Variants in FCAMR observed in about 807,000 individuals in gnomAD.
FCAMR encodes Fc alpha and mu receptor.
Under a neutral mutation model 52.2 loss-of-function variants are expected in FCAMR, and 51 were observed. The observed-to-expected ratio is 0.98, with a 90% CI of 0.78 to 1.23. The LOEUF (loss-of-function observed/expected upper bound fraction) is 1.23. Ranked by LOEUF, FCAMR falls within the 50% of genes most tolerant of loss-of-function variation. FCAMR has a pLI of 0.00. For missense variants in FCAMR, 719 were observed against 712.6 expected (o/e 1.01, Z -0.10); for synonymous variants, 282 against 262.0 (o/e 1.08, Z -0.74).
In FCAMR at chr1:206,960,628, C is replaced by G; in HGVS notation, c.1248G>C (p.Trp416Cys). Residue 416 changes from tryptophan to cysteine, a missense_variant, in exon 6 of 8, where the codon TGG (tryptophan) becomes TGC (cysteine). Transcript: ENST00000324852. ...IGETTPAAGM[W>C]TLGTPAADVW... Reference sequence around the variant, plus strand: ...CATCTGCAGCTGGAGTTCCCAAGGTCCACATGCCTGCAGCTGGAGTTGTTT... The same window carrying G: ...CATCTGCAGCTGGAGTTCCCAAGGTGCACATGCCTGCAGCTGGAGTTGTTT... The G allele has an allele frequency of 6.4e-7, 1 of 1,551,900 alleles. No individual in the cohort carries two copies. Among genetic ancestry groups the G allele is most frequent in the Non-Finnish European group, 8.7e-7 (1 of 1,147,016 alleles).
chr1:206,967,011 G>A, intron 3 of FCAMR, 41 bp downstream of exon 3: 1 of 1,605,428 alleles, frequency 6.2e-7, no homozygotes, highest in Non-Finnish European at 8.5e-7. Flanking sequence ...ACTCAGGTCT[G>A]GTTTTGTAAG....
At chr1:206,966,623 A>G (rs898247937) in intron 3 of FCAMR, among the ~76,000 whole-genome samples, 9 of 152,124 alleles carry the variant, frequency 5.9e-5, no homozygotes, top group African/African-American at 1.9e-4. Flanking sequence ...TGACCTTGTG[A>G]TCCGCCTGCC....
In FCAMR at chr1:206,967,045, G is replaced by A; in HGVS notation, c.169+7C>T. 3 of 1,613,710 alleles carry A rather than the reference G, an allele frequency of 1.9e-6. No homozygotes were observed. The highest frequency in any genetic ancestry group is 2.2e-5 in the East Asian group (1 of 44,884). ...AGCCCTGAACCTGGGCTGGGTTTGG[G>A]ACTCACCTTGTAGCAGGCACAGTAT... is the stretch of plus-strand genomic sequence containing the variant. On this transcript the variant is annotated splice_region_variant and intron_variant, in intron 3 of 7. Coordinates refer to ENST00000324852, the MANE Select transcript of FCAMR (RefSeq NM_001170631.2).
intron 4 of FCAMR, among the ~76,000 whole-genome samples, chr1:206,963,842 T>A (rs1375121763): frequency 2.0e-5 from 3 of 152,226 alleles, no homozygotes; most frequent in Non-Finnish European, 4.4e-5. Context: ...CATATATGGC[T>A]GTCGTTCTCT....
rs1226831372 is a variant in FCAMR at position 206,961,026 on chromosome 1, G to C, written c.850C>G (p.Pro284Ala). 2.6e-6 allele frequency: 4 copies of C among 1,551,884 alleles called. No homozygotes were observed. The East Asian group carries it at 7.3e-5, about 28-fold the overall frequency. Reference protein sequence around the residue: ...TTASAEGRRTPGATRPAAPGT... With the variant: ...TTASAEGRRTAGATRPAAPGT... ...GGAGCTGCTGGCCTGGTTGCTCCTG[G>C]GGTTCGTCTTCCCTCAGCTGAAGCT... The change falls in exon 6 of 8, where the codon CCA (proline) becomes GCA (alanine). Residue 284 changes from proline to alanine, a missense_variant. Pro to Ala is a conservative substitution (Grantham distance 27). Coordinates refer to ENST00000324852, the MANE Select transcript of FCAMR (RefSeq NM_001170631.2).
In FCAMR at chr1:206,960,494, G is replaced by A; in HGVS notation, c.1382C>T (p.Pro461Leu). ...CGGGGTCTGGCTCAGTGTTGCTTGGGGACCTCTGTCTCCAGTGGCAGCATC... is the reference window on the plus strand; with the variant it reads ...CGGGGTCTGGCTCAGTGTTGCTTGGAGACCTCTGTCTCCAGTGGCAGCATC... ...DLDAATGDRG[P>L]QATLSQTPAV... is the part of the protein sequence containing the mutation. Residue 461 changes from proline (P) to leucine (L), a missense_variant, in exon 6 of 8, where the codon CCC becomes CTC. Coordinates refer to ENST00000324852, the MANE Select transcript of FCAMR (RefSeq NM_001170631.2). 6.5e-7 allele frequency: 1 copy of A among 1,550,200 alleles called. No individual in the cohort carries two copies.
chr1:206,961,060 G>T lies in FCAMR; in HGVS notation c.816C>A (p.Ser272Arg), dbSNP rs1244304654. The T allele has an allele frequency of 7.1e-6, 11 of 1,551,770 alleles. No homozygotes were observed. The highest frequency in any genetic ancestry group is 9.6e-6 in the Non-Finnish European group (11 of 1,147,064). The change falls in exon 6 of 8, where the codon AGC (serine) becomes AGA (arginine). Residue 272 changes from serine to arginine, a missense_variant. Ser to Arg is a moderately radical substitution (Grantham distance 110). Transcript: ENST00000324852. Reference protein sequence around the residue: ...WDTVASTPGTSKTTASAEGRR... With the variant: ...WDTVASTPGTRKTTASAEGRR... Reference sequence around the variant, plus strand: ...TTCCCTCAGCTGAAGCTGTAGTCTTGCTGGTTCCTGGAGTGGAAGCAACTG... The same window carrying T: ...TTCCCTCAGCTGAAGCTGTAGTCTTTCTGGTTCCTGGAGTGGAAGCAACTG...
At position 206,960,840 on chromosome 1, in the gene FCAMR, C is replaced by G. The variant is rs894415166; in HGVS notation, c.1036G>C (p.Glu346Gln). The G allele has an allele frequency of 1.6e-5, 25 of 1,552,392 alleles. No individual in the cohort carries two copies. The highest frequency in any genetic ancestry group is 2.1e-5 in the Non-Finnish European group (24 of 1,147,154). ...CTATCAGCCTTGGTAGTTGTCATCT[C>G]CCTCCTGTCCTTGCTGGCTCTAGCC... ...NRARASKDRREMTTTKADRPR... is the reference protein window; with the variant it reads ...NRARASKDRRQMTTTKADRPR... The change falls in exon 6 of 8, where the codon GAG (glutamate) becomes CAG (glutamine). Residue 346 changes from glutamate (E) to glutamine (Q), a missense_variant. Coordinates refer to ENST00000324852, the MANE Select transcript of FCAMR (RefSeq NM_001170631.2).
In FCAMR at chr1:206,967,095, C is replaced by T. The variant is rs11119933; in HGVS notation, c.126G>A (p.Ala42=). Residue 42 remains alanine, a synonymous_variant, in exon 3 of 8, where the codon GCG becomes GCA. Coordinates refer to ENST00000324852, the MANE Select transcript of FCAMR (RefSeq NM_001170631.2). ...LPQSHVTSRR[A]GWKMPLFLIL... Reference sequence around the variant, plus strand: ...TGAGGAAGAGGGGCATTTTCCATCCCGCCCTCCTGCTGGTGACCTGCAAAA... The same window carrying T: ...TGAGGAAGAGGGGCATTTTCCATCCTGCCCTCCTGCTGGTGACCTGCAAAA... 303,259 of 1,613,134 alleles carry T rather than the reference C, an allele frequency of 0.19. 30,337 individuals carry two copies. The highest frequency in any genetic ancestry group is 0.34 in the African/African-American group (25,176 of 74,852).
In FCAMR at chr1:206,962,301, C is replaced by G; in HGVS notation, c.564G>C (p.Leu188=). 6.2e-7 allele frequency: 1 copy of G among 1,614,190 alleles called. No homozygotes were observed. Among genetic ancestry groups the G allele is most frequent in the Non-Finnish European group, 8.5e-7 (1 of 1,180,026 alleles). ...RGLFVVRLSQ[L]SPDDIGCYLC... Reference sequence around the variant, plus strand: ...GGTAGCATCCGATGTCATCCGGGGACAGTTGGGACAGCCTCACCACAAACA... The same window carrying G: ...GGTAGCATCCGATGTCATCCGGGGAGAGTTGGGACAGCCTCACCACAAACA... Residue 188 remains leucine (L), a synonymous_variant, in exon 5 of 8, where the codon CTG becomes CTC. Transcript: ENST00000324852.
At chr1:206,967,321 C>T (rs999037745) in intron 2 of FCAMR, among the ~76,000 whole-genome samples, 7 of 152,272 alleles carry the variant, frequency 4.6e-5, no homozygotes, top group Middle Eastern at 3.4e-3. Flanking sequence ...ATTTTGGTCA[C>T]GTCCACGAGG....
At chr1:206,969,454 A>G in intron 1 of FCAMR, 1 of 367,676 alleles carries the variant, frequency 2.7e-6, no homozygotes, top group Non-Finnish European at 5.5e-6. Flanking sequence ...GCCATAATTC[A>G]GTAGCCTGGG....
Position 206,970,087 on chromosome 1 carries a change from C to A in FCAMR, c.39G>T (p.Lys13Asn). ...GEATVKPGEQ[K>N]EVVRRGREVD... is the part of the protein sequence containing the mutation. ...CCTCCAGGAGAAAGCATCATTTCACCTTTTGTTCTCCAGGCTTCACTGTGG... is the reference window on the plus strand; with the variant it reads ...CCTCCAGGAGAAAGCATCATTTCACATTTTGTTCTCCAGGCTTCACTGTGG... The change falls in exon 1 of 8, where the codon AAG becomes AAT. Residue 13 changes from lysine (K) to asparagine (N), a missense_variant and splice_region_variant. Lys to Asn is a moderately conservative substitution (Grantham distance 94). Coordinates refer to ENST00000324852, the MANE Select transcript of FCAMR (RefSeq NM_001170631.2). 6.2e-7 allele frequency: 1 copy of A among 1,614,058 alleles called. No individual in the cohort carries two copies. The highest frequency in any genetic ancestry group is 8.5e-7 in the Non-Finnish European group (1 of 1,179,956).
At chr1:206,960,139 C>A in intron 6 of FCAMR, 1 of 502,392 alleles carries the variant, frequency 2.0e-6, no homozygotes. Flanking sequence ...CCCCTCTCTC[C>A]GGAGCGCCTA....
rs749562507 is a variant in FCAMR at position 206,958,559 on chromosome 1, G to A, written c.1691C>T (p.Ala564Val). ...RKMLQDDSLP[A>V]GASLTAPERN... is the part of the protein sequence containing the mutation. The stretch of plus-strand genomic sequence containing the variant: ...CTCTGGGGCAGTCAGGCTGGCCCCA[G>A]CAGGAAGAGAGTCATCCTGGAGCAT... Residue 564 changes from alanine to valine, a missense_variant, in exon 8 of 8, where the codon GCT becomes GTT. Ala to Val is a moderately conservative substitution (Grantham distance 64). Coordinates refer to ENST00000324852, the MANE Select transcript of FCAMR (RefSeq NM_001170631.2). The A allele has an allele frequency of 1.9e-5, 31 of 1,613,210 alleles. No individual in the cohort carries two copies. The highest frequency in any genetic ancestry group is 2.3e-5 in the Non-Finnish European group (27 of 1,179,892).
chr1:206,962,084 C>T, intron 5 of FCAMR, 129 bp downstream of exon 5: 1 of 918,048 alleles, frequency 1.1e-6, no homozygotes, highest in Non-Finnish European at 1.6e-6. Flanking sequence ...AAGTCTTTGC[C>T]TTGCCCCAGC....
At chr1:206,967,252 G>T in intron 2 of FCAMR, 140 bp from the exon 3 acceptor site, 1 of 791,770 alleles carries the variant, frequency 1.3e-6, no homozygotes, top group Non-Finnish European at 2.1e-6. Flanking sequence ...CTGAGAGTAA[G>T]ACAAGCACTT....
rs1680456118 is a variant in FCAMR, at chr1:206,960,414, G to A, written c.1454+8C>T. On this transcript the variant is annotated splice_region_variant and intron_variant, in intron 6 of 7. Coordinates refer to ENST00000324852, the MANE Select transcript of FCAMR (RefSeq NM_001170631.2). ...GCCCCCCAACCGGGAGAAGGTGCCTGGGGTTACCGCTTCACGGAGGACTCC... is the reference window on the plus strand; with the variant it reads ...GCCCCCCAACCGGGAGAAGGTGCCTAGGGTTACCGCTTCACGGAGGACTCC... 3 of 1,476,782 alleles carry A rather than the reference G, an allele frequency of 2.0e-6. No homozygotes were observed. Among genetic ancestry groups the A allele is most frequent in the Non-Finnish European group, 2.7e-6 (3 of 1,114,174 alleles). The allele number at this position is 1,476,782 out of a possible 1,614,324, so 91.5% of individuals were successfully genotyped here.
At chr1:206,959,890 G>A in intron 6 of FCAMR, 93 bp from the exon 7 acceptor site, 1 of 1,042,582 alleles carries the variant, frequency 9.6e-7, no homozygotes, top group Non-Finnish European at 1.5e-6. Flanking sequence ...TTTACAGATT[G>A]GGGAGCTGAG....
Sources: gnomAD v4.1 joint callset for allele counts (sites outside exome capture counted in the v4.1 genomes callset) on GRCh38, gnomAD v4.1.1 for gene constraint, MANE v1.5 for transcripts, NCBI Gene and HGNC (gene_info 2026-07-23, HGNC 2026-07-21) for gene names.